Variants in MYO1D observed in about 807,000 individuals in gnomAD.
MYO1D encodes the protein myosin ID.
A neutral mutation model predicts 122.0 loss-of-function variants in MYO1D; 83 were observed. That is an observed-to-expected ratio of 0.68 (90% CI 0.57 to 0.82). The LOEUF (loss-of-function observed/expected upper bound fraction) is 0.82. MYO1D is among the 40% of genes least tolerant of loss of function. MYO1D has a pLI of 0.00. For missense variants in MYO1D, 1,157 were observed against 1,269.5 expected (o/e 0.91, Z 1.35); for synonymous variants, 464 against 446.9 (o/e 1.04, Z -0.48).
intron 11 of MYO1D, among the ~76,000 whole-genome samples, chr17:32,752,181 C>T (rs1018790377): frequency 6.6e-6 from 1 of 152,064 alleles, no homozygotes; most frequent in African/African-American, 2.4e-5. Flanking sequence ...ATGGAGAAAG[C>T]ATACGCTATT....
chr17:32,679,763 G>A (rs2088880377), intron 16 of MYO1D, among the ~76,000 whole-genome samples: 1 of 151,910 alleles, frequency 6.6e-6, no homozygotes, highest in African/African-American at 2.4e-5. Context: ...GGTTCCATAT[G>A]AACTTTAAAG....
intron 11 of MYO1D, among the ~76,000 whole-genome samples, chr17:32,753,876 A>C (rs1471887522): frequency 6.6e-6 from 1 of 151,930 alleles, no homozygotes; most frequent in Non-Finnish European, 1.5e-5. Context: ...TAGCCTGGGC[A>C]ACAGAGTGAG....
chr17:32,610,145 G>A (rs1036986814), intron 20 of MYO1D, among the ~76,000 whole-genome samples: 7 of 152,108 alleles, frequency 4.6e-5, no homozygotes, highest in Admixed American at 2.0e-4. Flanking sequence ...GGCAAAGAAC[G>A]CTGAAACCAC....
chr17:32,855,862 T>G (rs1039855787), intron 1 of MYO1D, among the ~76,000 whole-genome samples: 2 of 152,238 alleles, frequency 1.3e-5, no homozygotes, highest in African/African-American at 4.8e-5. Flanking sequence ...TGAGGTTGTC[T>G]GAAGCACTAA....
At chr17:32,522,500 A>AT (rs1161374514) in intron 21 of MYO1D, among the ~76,000 whole-genome samples, 1 of 152,240 alleles carries the variant, frequency 6.6e-6, no homozygotes, top group African/African-American at 2.4e-5. Context: ...CATAGTGAAC[A>AT]TATTAGGAAG....
intron 21 of MYO1D, among the ~76,000 whole-genome samples, chr17:32,505,968 T>C (rs1909489377): frequency 6.6e-6 from 1 of 152,186 alleles, no homozygotes; most frequent in African/African-American, 2.4e-5. Context: ...CCTGTAATCC[T>C]AGCACTTTGG....
chr17:32,802,310 T>C (rs2090467978), intron 1 of MYO1D, among the ~76,000 whole-genome samples: 1 of 152,240 alleles, frequency 6.6e-6, no homozygotes, highest in South Asian at 2.1e-4. Context: ...GAGTACTTTA[T>C]TATGTCAAGG....
At chr17:32,743,116 TCA>T (rs1598057869) in intron 13 of MYO1D, among the ~76,000 whole-genome samples, 1 of 152,248 alleles carries the variant, frequency 6.6e-6, no homozygotes, top group East Asian at 1.9e-4. Context: ...TGGCATGCTC[TCA>T]GTTTCCTTTG....
intron 17 of MYO1D, 92 bp from the exon 18 acceptor site, chr17:32,654,713 C>A: frequency 8.0e-7 from 1 of 1,248,948 alleles, no homozygotes; most frequent in Non-Finnish European, 1.1e-6. Context: ...GAGTCTCCCT[C>A]CATCTCCCAG....
intron 14 of MYO1D, among the ~76,000 whole-genome samples, chr17:32,729,194 G>A (rs991000856): frequency 6.6e-6 from 1 of 152,078 alleles, no homozygotes; most frequent in African/African-American, 2.4e-5. Flanking sequence ...AACACCATTT[G>A]TGAAAGTACA....
chr17:32,630,892 C>T (rs1490270143), intron 20 of MYO1D, among the ~76,000 whole-genome samples: 5 of 152,152 alleles, frequency 3.3e-5, no homozygotes, highest in South Asian at 2.1e-4. Context: ...GTTCTTCTGA[C>T]GGCTTCTCTC....
rs148219034 is a variant in MYO1D, at chr17:32,523,646, A to C, written c.2865-28731T>G. ...CAACATGGAGAAACCCTATCTCTAC[A>C]AAAGATTACCCAGGCATGGTGGTGT... On this transcript the variant is annotated intron_variant, in intron 21 of 21. Transcript: ENST00000318217. Among the ~76,000 whole-genome samples, 22 of 152,180 alleles carry C rather than the reference A, an allele frequency of 1.4e-4. 1 individual carries two copies. In the East Asian group the frequency reaches 4.2e-3, roughly 29 times the overall value.
At chr17:32,873,584 T>C (rs1391750303) in intron 1 of MYO1D, among the ~76,000 whole-genome samples, 1 of 152,084 alleles carries the variant, frequency 6.6e-6, no homozygotes, top group Non-Finnish European at 1.5e-5. Context: ...CAGTGGTGGG[T>C]TTCTGGTCAC....
chr17:32,517,563 G>A (rs1909936350), intron 21 of MYO1D, among the ~76,000 whole-genome samples: 1 of 152,096 alleles, frequency 6.6e-6, no homozygotes, highest in East Asian at 1.9e-4. Flanking sequence ...TGCTTCAATT[G>A]GTCTGCCTGT....
At chr17:32,623,689 T>C (rs1359936196) in intron 20 of MYO1D, among the ~76,000 whole-genome samples, 1 of 152,154 alleles carries the variant, frequency 6.6e-6, no homozygotes, top group African/African-American at 2.4e-5. Flanking sequence ...TCAGTCCATT[T>C]AGGTGGCTAT....
At chr17:32,635,918 C>T (rs950801094) in intron 20 of MYO1D, among the ~76,000 whole-genome samples, 8 of 151,962 alleles carry the variant, frequency 5.3e-5, no homozygotes, top group Non-Finnish European at 1.0e-4. Flanking sequence ...ACATGATGTT[C>T]CCATAGTTTT....
intron 3 of MYO1D, among the ~76,000 whole-genome samples, chr17:32,777,295 C>T (rs914291516): frequency 6.6e-6 from 1 of 152,160 alleles, no homozygotes; most frequent in Non-Finnish European, 1.5e-5. Flanking sequence ...AGAAAGGCTA[C>T]GCAGGGTAGT....
At chr17:32,840,193 G>GC (rs2090866867) in intron 1 of MYO1D, among the ~76,000 whole-genome samples, 1 of 152,166 alleles carries the variant, frequency 6.6e-6, no homozygotes, top group South Asian at 2.1e-4. Flanking sequence ...ACAACAAAAA[G>GC]CCCAGGGTGT....
chr17:32,872,421 C>T (rs1488851928), intron 1 of MYO1D, among the ~76,000 whole-genome samples: 1 of 151,788 alleles, frequency 6.6e-6, no homozygotes, highest in Admixed American at 6.6e-5. Context: ...CACAGGCACC[C>T]ACCACCACGC....
Sources: allele counts gnomAD v4.1 joint callset (sites outside exome capture counted in the v4.1 genomes callset), GRCh38; gene constraint gnomAD v4.1.1; transcripts MANE v1.5; gene names NCBI Gene and HGNC (gene_info 2026-07-23, HGNC 2026-07-21).